HIRA: variants seen among roughly 807,000 people sequenced by gnomAD.
HIRA encodes protein HIRA.
In HIRA, 13 loss-of-function variants were observed where a neutral mutation model predicts 126.6. The observed-to-expected ratio is 0.10, with a 90% confidence interval of 0.07 to 0.16. The LOEUF is 0.16. Among genes scored for constraint, HIRA ranks in the 10% least tolerant of loss-of-function variants. The pLI is 1.00. For synonymous variants in HIRA, 511 were observed against 520.0 expected (o/e 0.98, Z 0.24); for missense variants, 834 against 1,314.4 (o/e 0.63, Z 5.65).
intron 1 of HIRA, among the ~76,000 whole-genome samples, chr22:19,429,133 C>CTTTTTTTTTTTTTTT (rs57853722): frequency 1.3e-5 from 1 of 77,244 alleles, no homozygotes; most frequent in Non-Finnish European, 2.3e-5. Flanking sequence ...GTTGCCATAT[C>CTTTTTTTTTTTTTTT]TTTTTTTTTT....
chr22:19,397,952 A>T, intron 6 of HIRA, 40 bp downstream of exon 6: 1 of 1,473,378 alleles, frequency 6.8e-7, no homozygotes. Context: ...ACTGACAGGC[A>T]GTACTGCTTG....
chr22:19,367,528 C>T (rs930274417), intron 15 of HIRA, among the ~76,000 whole-genome samples: 2 of 151,978 alleles, frequency 1.3e-5, no homozygotes, highest in Admixed American at 1.3e-4. Flanking sequence ...CACCACGCCC[C>T]GCTAATTTTT....
In HIRA at chr22:19,428,763, A is replaced by G. The variant is rs191371111; in HGVS notation, c.37+2677T>C. On this transcript the variant is annotated intron_variant, in intron 1 of 24. Transcript: ENST00000263208. ...GGTATTTGAGTCTAGCCTGGGCAACACTGCAAGATCCCATTTCTATTAAAA... is the reference window on the plus strand; with the variant it reads ...GGTATTTGAGTCTAGCCTGGGCAACGCTGCAAGATCCCATTTCTATTAAAA... Among the ~76,000 whole-genome samples, 4 of 152,254 alleles carry G rather than the reference A, an allele frequency of 2.6e-5. No homozygotes were observed. In the East Asian group the frequency reaches 7.7e-4, roughly 29 times the overall value.
chr22:19,418,246 T>C (rs2089415163), intron 1 of HIRA, among the ~76,000 whole-genome samples: 1 of 152,136 alleles, frequency 6.6e-6, no homozygotes, highest in Non-Finnish European at 1.5e-5. Context: ...CTGACCACAA[T>C]TTTTAAAATG....
Position 19,354,007 on chromosome 22 carries a change from G to T in HIRA, c.2673C>A (p.Gly891=). 6.2e-7 allele frequency: 1 copy of T among 1,613,272 alleles called. No homozygotes were observed. Among genetic ancestry groups the T allele is most frequent in the South Asian group, 1.1e-5 (1 of 90,806 alleles). Residue 891 remains glycine, a synonymous_variant, in exon 22 of 25, where the codon GGC becomes GGA. Transcript: ENST00000263208. ...TTCAGGTCACGTACTTGGAGGTGCG[G>T]CCCTGGATTATGGCTAACGGTCCTG... ...LCSGPLAIIQ[G]RTSNSGRQAA...
At chr22:19,404,104 C>T (rs2089290342) in intron 5 of HIRA, among the ~76,000 whole-genome samples, 1 of 152,050 alleles carries the variant, frequency 6.6e-6, no homozygotes, top group Non-Finnish European at 1.5e-5. Context: ...CTTCCCAACC[C>T]CCAATTAAAT....
At chr22:19,386,140 T>C (rs765347694) in intron 11 of HIRA, among the ~76,000 whole-genome samples, 2 of 152,132 alleles carry the variant, frequency 1.3e-5, no homozygotes, top group African/African-American at 2.4e-5. Context: ...AGAACAAAAG[T>C]CTACTTTCAC....
Position 19,388,128 on chromosome 22 carries a change from A to G in HIRA, c.1008-312T>C, listed in dbSNP as rs368365416. 1.2e-4 allele frequency among the ~76,000 whole-genome samples: 19 copies of G among 152,348 alleles called. No individual in the cohort carries two copies. In the South Asian group the frequency reaches 3.9e-3, roughly 32 times the overall value. On this transcript the variant is annotated intron_variant, in intron 10 of 24. Coordinates refer to ENST00000263208, the MANE Select transcript of HIRA (RefSeq NM_003325.4). ...ACTATTAAAATAAAAAAAACTTGAC[A>G]AAGTATACATATAAATCAGGTCACT... is the stretch of plus-strand genomic sequence containing the variant.
chr22:19,384,404 A>T (rs1349885283), intron 12 of HIRA, among the ~76,000 whole-genome samples: 1 of 151,818 alleles, frequency 6.6e-6, no homozygotes, highest in African/African-American at 2.4e-5. Context: ...TGTACACACT[A>T]AGTATGTATA....
chr22:19,411,576 T>A (rs936036077), intron 1 of HIRA, among the ~76,000 whole-genome samples: 3 of 152,254 alleles, frequency 2.0e-5, no homozygotes, highest in African/African-American at 7.2e-5. Context: ...GGCATGTCAG[T>A]TGCTGTTGAG....
In HIRA at chr22:19,357,061, C is replaced by G. The variant is rs1556012856; in HGVS notation, c.2235-10G>C. The G allele has an allele frequency of 2.5e-6, 4 of 1,613,644 alleles. No individual in the cohort carries two copies. The highest frequency in any genetic ancestry group is 3.4e-6 in the Non-Finnish European group (4 of 1,179,810). ...GACACACACCACGTCACTGAGAAGG[C>G]AGAGTGGGGGCAGGTGTCATGGGGG... is the stretch of plus-strand genomic sequence containing the variant. On this transcript the variant is annotated splice_polypyrimidine_tract_variant and intron_variant, in intron 18 of 24. Coordinates refer to ENST00000263208, the MANE Select transcript of HIRA (RefSeq NM_003325.4).
At chr22:19,393,593 T>G (rs1024670582) in intron 8 of HIRA, among the ~76,000 whole-genome samples, 1 of 152,142 alleles carries the variant, frequency 6.6e-6, no homozygotes, top group Non-Finnish European at 1.5e-5. Context: ...CCTGACCTCA[T>G]GATCCGCCCA....
chr22:19,426,134 C>T (rs981337433), intron 1 of HIRA, among the ~76,000 whole-genome samples: 2 of 152,200 alleles, frequency 1.3e-5, no homozygotes, highest in Non-Finnish European at 2.9e-5. Context: ...TTTAGTGCCT[C>T]TCTATTTCTC....
chr22:19,351,422 A>G lies in HIRA; in HGVS notation c.2873T>C (p.Ile958Thr), dbSNP rs1556010846. The change falls in exon 24 of 25, where the codon ATA becomes ACA. Residue 958 changes from isoleucine to threonine, a missense_variant. Ile to Thr is a moderately conservative substitution (Grantham distance 89). This residue lies in a region of HIRA where 58 missense variants were observed against 114.5 expected (regional missense o/e 0.51). Coordinates refer to ENST00000263208, the MANE Select transcript of HIRA (RefSeq NM_003325.4). The surrounding 1 kb of genome is among the most constrained non-coding windows in gnomAD (Gnocchi z 4.8). The part of the protein sequence containing the change: ...NEGFEYRLRE[I>T]CKDLLGPVHY... ...AACCGGACCCAGTAAGTCCTTGCAT[A>G]TTTCTCGAAGTCGGTATTCAAACCC... is the stretch of plus-strand genomic sequence containing the variant. 4 of 1,613,702 alleles carry G rather than the reference A, an allele frequency of 2.5e-6. No individual in the cohort carries two copies. Among genetic ancestry groups the G allele is most frequent in the Non-Finnish European group, 3.4e-6 (4 of 1,179,802 alleles).
At chr22:19,414,604 C>T (rs1381091698) in intron 1 of HIRA, among the ~76,000 whole-genome samples, 9 of 152,188 alleles carry the variant, frequency 5.9e-5, no homozygotes, top group Admixed American at 5.9e-4. Context: ...GAATGTTGCT[C>T]CTGGGAACAC....
chr22:19,357,139 C>A (rs2088820680), intron 18 of HIRA, 88 bp from the exon 19 acceptor site: 2 of 1,492,592 alleles, frequency 1.3e-6, no homozygotes, highest in South Asian at 2.4e-5. Context: ...TTCCCTCTGC[C>A]TGGGCCCAAC....
At chr22:19,384,029 A>G (rs2089100611) in intron 12 of HIRA, among the ~76,000 whole-genome samples, 1 of 152,136 alleles carries the variant, frequency 6.6e-6, no homozygotes, top group Non-Finnish European at 1.5e-5. Flanking sequence ...TATAAGAGGT[A>G]TCAGGCAGGC....
At chr22:19,423,209 T>C (rs2089461942) in intron 1 of HIRA, among the ~76,000 whole-genome samples, 2 of 152,178 alleles carry the variant, frequency 1.3e-5, no homozygotes, top group Non-Finnish European at 2.9e-5. Flanking sequence ...TAAACCCGTC[T>C]ATCCCCCGCC....
At chr22:19,393,238 C>G (rs771642118) in intron 8 of HIRA, among the ~76,000 whole-genome samples, 4 of 152,136 alleles carry the variant, frequency 2.6e-5, no homozygotes, top group Non-Finnish European at 4.4e-5. Flanking sequence ...AAGACTTTAG[C>G]AACAAAGCTC....
Sources: allele counts gnomAD v4.1 joint callset (sites outside exome capture counted in the v4.1 genomes callset), GRCh38; gene constraint gnomAD v4.1.1; regional missense constraint gnomAD v4.1.1; non-coding constraint Gnocchi (gnomAD v3.1); transcripts MANE v1.5; gene names NCBI Gene and HGNC (gene_info 2026-07-23, HGNC 2026-07-21).